ATP8A2: variants seen among roughly 807,000 people sequenced by gnomAD.
The protein encoded by ATP8A2 is phospholipid-transporting ATPase IB.
Under a neutral mutation model 165.6 loss-of-function variants are expected in ATP8A2, and 100 were observed. The ratio of observed to expected loss-of-function variants is 0.60; its 90% CI spans 0.51 to 0.71. ATP8A2 has a LOEUF of 0.71. Among genes scored for constraint, ATP8A2 ranks in the 30% least tolerant of loss-of-function variants. ATP8A2 has a pLI of 0.00. For missense variants in ATP8A2, 1,227 were observed against 1,479.5 expected (o/e 0.83, Z 2.80); for synonymous variants, 543 against 548.8 (o/e 0.99, Z 0.15).
intron 33 of ATP8A2, among the ~76,000 whole-genome samples, chr13:25,917,774 C>G (rs1375702668): frequency 6.6e-6 from 1 of 152,212 alleles, no homozygotes; most frequent in Non-Finnish European, 1.5e-5. Flanking sequence ...ATGGCTTTCA[C>G]TGTGCTAATA....
intron 1 of ATP8A2, among the ~76,000 whole-genome samples, chr13:25,425,583 C>CTTTTTTT (rs1197808475): frequency 0.28 from 29,369 of 103,442 alleles, 5,768 homozygotes; most frequent in East Asian, 0.46. Flanking sequence ...TCTTTCTTTC[C>CTTTTTTT]TTTTTTTTTG....
Position 25,953,958 on chromosome 13 carries a change from GTT to G in ATP8A2, c.3184-7607_3184-7606del, listed in dbSNP as rs56061502. Among the ~76,000 whole-genome samples, 52,199 of 150,368 alleles carry G rather than the reference GTT, an allele frequency of 0.35. 10,020 individuals are homozygous for G. Among genetic ancestry groups the G allele is most frequent in the African/African-American group, 0.52 (21,176 of 41,020 alleles). On this transcript the variant is annotated intron_variant, in intron 33 of 36. Coordinates refer to ENST00000381655, the MANE Select transcript of ATP8A2 (RefSeq NM_016529.6). This position sits in a 1 kb window ranked among gnomAD's most constrained non-coding sequence, Gnocchi z 6.7. Reference sequence around the variant, plus strand: ...GGCAGACACCGAGCTAGCTGCAGGAGTTTTTTTTTTTCATACCCCAGTGGCAC... The same window carrying G: ...GGCAGACACCGAGCTAGCTGCAGGAGTTTTTTTTTCATACCCCAGTGGCAC...
chr13:25,582,894 A>G (rs2039814400), intron 23 of ATP8A2, among the ~76,000 whole-genome samples: 1 of 152,264 alleles, frequency 6.6e-6, no homozygotes, highest in Non-Finnish European at 1.5e-5. Context: ...GACAAAAGCC[A>G]TGTAATCATT....
intron 1 of ATP8A2, among the ~76,000 whole-genome samples, chr13:25,450,753 A>G (rs7332918): frequency 0.023 from 3,441 of 151,992 alleles, 87 homozygotes; most frequent in Admixed American, 0.057. Context: ...GGATGGTCTC[A>G]ATCTCCTGAC....
intron 1 of ATP8A2, among the ~76,000 whole-genome samples, chr13:25,423,355 C>T (rs1263760142): frequency 3.9e-5 from 6 of 152,148 alleles, no homozygotes; most frequent in Admixed American, 3.9e-4. Flanking sequence ...TGTGTGTGTA[C>T]CAAGGCAATG....
Position 25,696,207 on chromosome 13 carries a change from T to A in ATP8A2, c.2212-2966T>A, listed in dbSNP as rs2042830759. ...GTAGGTCTTAACAGTGGGCTTAATG[T>A]TCGGTAAACCATTCTATAAACAGAT... On this transcript the variant is annotated intron_variant, in intron 24 of 36. Transcript: ENST00000381655. Among the ~76,000 whole-genome samples, 5 of 152,222 alleles carry A rather than the reference T, an allele frequency of 3.3e-5. No homozygotes were observed. The South Asian group carries it at 1.0e-3, about 32-fold the overall frequency.
chr13:25,440,081 G>A (rs1157771326), intron 1 of ATP8A2, among the ~76,000 whole-genome samples: 3 of 152,002 alleles, frequency 2.0e-5, no homozygotes, highest in African/African-American at 7.3e-5. Context: ...TGATCTGGAG[G>A]GGGTGCTAGT....
intron 24 of ATP8A2, among the ~76,000 whole-genome samples, chr13:25,625,447 C>T (rs1426205272): frequency 6.6e-6 from 1 of 152,174 alleles, no homozygotes; most frequent in Non-Finnish European, 1.5e-5. Context: ...ACTCTAGCTG[C>T]TAATTGAGCC....
intron 24 of ATP8A2, among the ~76,000 whole-genome samples, chr13:25,627,266 A>G (rs1015888387): frequency 3.3e-5 from 5 of 152,172 alleles, no homozygotes; most frequent in African/African-American, 9.7e-5. Flanking sequence ...AAATGAGCCC[A>G]GTGAGGTCAA....
intron 2 of ATP8A2, among the ~76,000 whole-genome samples, chr13:25,487,106 T>C (rs1165989654): frequency 1.3e-5 from 2 of 152,198 alleles, no homozygotes; most frequent in African/African-American, 4.8e-5. Context: ...TTGTAAAACC[T>C]TTTTGCCAAG....
intron 24 of ATP8A2, among the ~76,000 whole-genome samples, chr13:25,661,246 A>G (rs950116449): frequency 6.6e-6 from 1 of 151,868 alleles, no homozygotes; most frequent in Non-Finnish European, 1.5e-5. Context: ...CTGTTCTACT[A>G]CTCTTCCACA....
At chr13:25,868,845 G>A (rs977597740) in intron 33 of ATP8A2, among the ~76,000 whole-genome samples, 14 of 152,032 alleles carry the variant, frequency 9.2e-5, no homozygotes, top group South Asian at 4.2e-4. Context: ...CTGGGTGGGC[G>A]GATCACAAGT....
chr13:25,882,608 G>A (rs1185146703), intron 33 of ATP8A2, among the ~76,000 whole-genome samples: 1 of 152,128 alleles, frequency 6.6e-6, no homozygotes, highest in Non-Finnish European at 1.5e-5. Flanking sequence ...TCATTGTTTT[G>A]AGGGCTAGGC....
In ATP8A2 at chr13:25,629,739, G is replaced by A. The variant is rs1050624412; in HGVS notation, c.2211+40040G>A. On this transcript the variant is annotated intron_variant, in intron 24 of 36. Coordinates refer to ENST00000381655, the MANE Select transcript of ATP8A2 (RefSeq NM_016529.6). ...CCCTTCCACCCTCTGCCTTTTTACT[G>A]TGTTAGATCAGCGTCGCTTCTGTTT... 5.3e-5 allele frequency among the ~76,000 whole-genome samples: 8 copies of A among 152,230 alleles called. 1 individual carries two copies. Among genetic ancestry groups the A allele is most frequent in the South Asian group, 2.1e-4 (1 of 4,814 alleles).
chr13:25,605,894 C>G (rs2040504245), intron 24 of ATP8A2, among the ~76,000 whole-genome samples: 1 of 152,248 alleles, frequency 6.6e-6, no homozygotes, highest in Non-Finnish European at 1.5e-5. Flanking sequence ...GCTCCTAGGT[C>G]AAGAGAAATA....
intron 16 of ATP8A2, among the ~76,000 whole-genome samples, chr13:25,564,416 T>C (rs571245429): frequency 5.1e-4 from 78 of 152,176 alleles, no homozygotes; most frequent in Non-Finnish European, 9.3e-4. Context: ...AAGTAAGATA[T>C]ATATAATAAC....
At chr13:25,709,868 C>A (rs367679487) in intron 25 of ATP8A2, among the ~76,000 whole-genome samples, 26 of 152,074 alleles carry the variant, frequency 1.7e-4, no homozygotes, top group African/African-American at 6.0e-4. Context: ...GGGCTGATAC[C>A]AACATTTCTT....
In ATP8A2 at chr13:25,372,367, C is replaced by T. The variant is rs2032437716; in HGVS notation, c.76+79C>T. On this transcript the variant is annotated intron_variant, in intron 1 of 36. Coordinates refer to ENST00000381655, the MANE Select transcript of ATP8A2 (RefSeq NM_016529.6). This position sits in a 1 kb window ranked among gnomAD's most constrained non-coding sequence, Gnocchi z 4.8. ...GGGGCGCGCCTGCGGTTATGCGACA[C>T]TGCCCCGCCCGCGCCCCGCTCCCCT... 6.7e-6 allele frequency: 7 copies of T among 1,051,676 alleles called. No individual in the cohort carries two copies. Among genetic ancestry groups the T allele is most frequent in the Non-Finnish European group, 6.3e-6 (5 of 794,056 alleles). The allele number at this position is 1,051,676 out of a possible 1,614,324, so 65.1% of individuals were successfully genotyped here. A position where few individuals can be genotyped will look rare whatever the true frequency, so the allele number is the denominator to read the frequency against.
intron 35 of ATP8A2, among the ~76,000 whole-genome samples, chr13:25,987,825 T>C (rs1593676098): frequency 6.6e-6 from 1 of 152,224 alleles, no homozygotes; most frequent in African/African-American, 2.4e-5. Context: ...AAAGGCACCA[T>C]GGGATGTGTC....
Sources: gnomAD v4.1 joint callset for allele counts (sites outside exome capture counted in the v4.1 genomes callset) on GRCh38, gnomAD v4.1.1 for gene constraint, Gnocchi (gnomAD v3.1) non-coding constraint, MANE v1.5 for transcripts, NCBI Gene and HGNC (gene_info 2026-07-23, HGNC 2026-07-21) for gene names.